The following TNIK variants were observed in gnomAD, a reference collection of about 807,000 sequenced individuals.
TNIK encodes TRAF2 and NCK interacting kinase.
TNIK carries 49 observed loss-of-function variants against 191.3 expected under a neutral mutation model. The ratio of observed to expected loss-of-function variants is 0.26; its 90% CI spans 0.20 to 0.32. The LOEUF (loss-of-function observed/expected upper bound fraction) is 0.32. Among genes scored for constraint, TNIK ranks in the 10% least tolerant of loss-of-function variants. TNIK has a pLI of 1.00. For missense variants in TNIK, 1,155 were observed against 1,702.3 expected (o/e 0.68, Z 5.66); for synonymous variants, 594 against 600.9 (o/e 0.99, Z 0.17).
intron 10 of TNIK, 85 bp from the exon 11 acceptor site, chr3:171,161,421 T>C (rs957719162): frequency 2.5e-5 from 30 of 1,211,898 alleles, no homozygotes; most frequent in African/African-American, 4.6e-5. Context: ...TATAAATAAA[T>C]AGACACCCAA....
chr3:171,077,623 A>C (rs1189337344), intron 28 of TNIK, among the ~76,000 whole-genome samples: 2 of 152,044 alleles, frequency 1.3e-5, no homozygotes, highest in African/African-American at 2.4e-5. Context: ...TAGTGGAACA[A>C]CACCATCAGC....
chr3:171,087,258 A>T, intron 24 of TNIK, 84 bp downstream of exon 24: 1 of 1,558,300 alleles, frequency 6.4e-7, no homozygotes, highest in Non-Finnish European at 8.7e-7. Context: ...GAGCTTGGCG[A>T]AGCCTCATTC....
chr3:171,200,548 G>A (rs938341295), intron 4 of TNIK, among the ~76,000 whole-genome samples: 2 of 151,934 alleles, frequency 1.3e-5, no homozygotes, highest in Admixed American at 6.5e-5. Context: ...GGGTTACTTA[G>A]TATGCCTTCC....
intron 6 of TNIK, among the ~76,000 whole-genome samples, chr3:171,190,063 ATG>A (rs1737844071): frequency 6.6e-6 from 1 of 152,202 alleles, no homozygotes; most frequent in Admixed American, 6.5e-5. Context: ...TTGTCAATTC[ATG>A]CTCTTACTCA....
intron 2 of TNIK, among the ~76,000 whole-genome samples, chr3:171,327,196 A>G (rs1056692233): frequency 6.6e-6 from 1 of 152,208 alleles, no homozygotes; most frequent in African/African-American, 2.4e-5. Context: ...AAGCTGAACC[A>G]GGGTTGCAGA....
intron 2 of TNIK, among the ~76,000 whole-genome samples, chr3:171,367,671 A>C (rs373818378): frequency 6.6e-6 from 1 of 152,108 alleles, no homozygotes; most frequent in East Asian, 1.9e-4. Flanking sequence ...GGGTTGCATC[A>C]TGTTGGCCTG....
chr3:171,157,587 G>T lies in TNIK; in HGVS notation c.1094C>A (p.Ser365Tyr). Residue 365 changes from serine to tyrosine, a missense_variant, in exon 12 of 33, where the codon TCT (serine) becomes TAT (tyrosine). By Grantham distance (144) the Ser-to-Tyr change is moderately radical. Around this residue, in one of 3 missense-constraint regions of TNIK, gnomAD observed 735 missense variants for 848.0 expected, o/e 0.87. Coordinates refer to ENST00000436636, the MANE Select transcript of TNIK (RefSeq NM_015028.4). ...CAGCTGCTGCCTCCGTAGGGCCTCA[G>T]AACGCTCCTTGTTGGCCAGCTGCAG... ...LRLQLANKER[S>Y]EALRRQQLEQ... is the part of the protein sequence containing the mutation. The T allele has an allele frequency of 6.4e-7, 1 of 1,557,484 alleles. No individual in the cohort carries two copies. The highest frequency in any genetic ancestry group is 8.7e-7 in the Non-Finnish European group (1 of 1,150,716).
At chr3:171,322,839 C>CTTTTTTTTTTTTTTT in intron 2 of TNIK, among the ~76,000 whole-genome samples, 1 of 136,328 alleles carries the variant, frequency 7.3e-6, no homozygotes, top group South Asian at 2.4e-4. Context: ...GTTTTCTTTT[C>CTTTTTTTTTTTTTTT]TTTTTTTTTT....
At chr3:171,311,491 C>T (rs529950925) in intron 2 of TNIK, among the ~76,000 whole-genome samples, 16 of 152,258 alleles carry the variant, frequency 1.1e-4, no homozygotes, top group African/African-American at 2.9e-4. Flanking sequence ...GAAACTGATG[C>T]TCACGGAAAC....
intron 2 of TNIK, among the ~76,000 whole-genome samples, chr3:171,257,205 T>G (rs1746990534): frequency 1.3e-5 from 2 of 152,192 alleles, no homozygotes; most frequent in African/African-American, 2.4e-5. Flanking sequence ...GGAACCATGC[T>G]GTAGAACCAG....
At chr3:171,401,066 T>A (rs16856291) in intron 1 of TNIK, among the ~76,000 whole-genome samples, 1,543 of 152,202 alleles carry the variant, frequency 0.01, 25 homozygotes, top group African/African-American at 0.034. Flanking sequence ...AGGGGGTCAA[T>A]GAAAACTGAG....
rs148821934 is a variant in TNIK at position 171,275,852 on chromosome 3, G to A, written c.124-47631C>T. On this transcript the variant is annotated intron_variant, in intron 2 of 32. Coordinates refer to ENST00000436636, the MANE Select transcript of TNIK (RefSeq NM_015028.4). ...GCGGAGCTTGCAGTGAGCCGAGATC[G>A]TGCCACTGCACTCCAAGCTGGGCGA... 2.0e-3 allele frequency among the ~76,000 whole-genome samples: 298 copies of A among 152,086 alleles called. 1 individual carries two copies. The highest frequency in any genetic ancestry group is 4.0e-3 in the Admixed American group (61 of 15,288).
In TNIK at chr3:171,430,560, T is replaced by C. The variant is rs576221020; in HGVS notation, c.57+29447A>G. ...AGGCTGAGGTGGGAGGATTGCTTGA[T>C]CCCAGGAATTTGAGGTTGCAGTGAA... On this transcript the variant is annotated intron_variant, in intron 1 of 32. Transcript: ENST00000436636. Among the ~76,000 whole-genome samples the C allele has an allele frequency of 1.6e-4, 24 of 148,062 alleles. No individual in the cohort carries two copies. In the South Asian group the frequency reaches 4.5e-3, roughly 28 times the overall value.
intron 1 of TNIK, among the ~76,000 whole-genome samples, chr3:171,417,247 T>C (rs188839100): frequency 6.6e-6 from 1 of 152,336 alleles, no homozygotes; most frequent in African/African-American, 2.4e-5. Context: ...ATGTATAAAA[T>C]ATTCAATAAG....
At chr3:171,249,580 T>C (rs573310888) in intron 2 of TNIK, among the ~76,000 whole-genome samples, 3 of 152,180 alleles carry the variant, frequency 2.0e-5, no homozygotes, top group Non-Finnish European at 2.9e-5. Context: ...AAGACACATA[T>C]TCAAATGGAA....
chr3:171,426,958 C>T (rs1438491416), intron 1 of TNIK, among the ~76,000 whole-genome samples: 1 of 152,114 alleles, frequency 6.6e-6, no homozygotes, highest in Non-Finnish European at 1.5e-5. Flanking sequence ...GATGTAAGAT[C>T]GTCCAAGATA....
intron 2 of TNIK, among the ~76,000 whole-genome samples, chr3:171,262,425 A>C (rs902480019): frequency 2.0e-5 from 3 of 152,272 alleles, no homozygotes; most frequent in Admixed American, 6.5e-5. Flanking sequence ...CTTGTCCCCC[A>C]GAGTCCATAA....
At chr3:171,442,128 C>A (rs762097542) in intron 1 of TNIK, among the ~76,000 whole-genome samples, 3 of 152,180 alleles carry the variant, frequency 2.0e-5, no homozygotes, top group Non-Finnish European at 2.9e-5. Context: ...TAAACAAAAT[C>A]TCCACAGGGA....
At position 171,063,780 on chromosome 3, in the gene TNIK, A is replaced by G. The variant is rs1190905245; in HGVS notation, c.*101T>C. On this transcript the variant is annotated 3_prime_UTR_variant, in exon 33 of 33. Transcript: ENST00000436636. ...AAAAGGGAAAGCGATATGTTCAACCAAGCCTTCTGATTCTGCCTCTAGACT... is the reference window on the plus strand; with the variant it reads ...AAAAGGGAAAGCGATATGTTCAACCGAGCCTTCTGATTCTGCCTCTAGACT... The G allele has an allele frequency of 8.3e-7, 1 of 1,203,102 alleles. No homozygotes were observed. Among genetic ancestry groups the G allele is most frequent in the African/African-American group, 1.5e-5 (1 of 65,244 alleles). The allele number at this position is 1,203,102 out of a possible 1,614,324, so 74.5% of individuals were successfully genotyped here.
Sources: gnomAD v4.1 joint callset for allele counts (sites outside exome capture counted in the v4.1 genomes callset) on GRCh38, gnomAD v4.1.1 for gene constraint, gnomAD v4.1.1 regional missense constraint, MANE v1.5 for transcripts, NCBI Gene and HGNC (gene_info 2026-07-23, HGNC 2026-07-21) for gene names.